Variants in DYTN observed in about 807,000 individuals in gnomAD.
DYTN encodes the protein dystrotelin.
DYTN carries 75 observed loss-of-function variants against 69.6 expected under a neutral mutation model. The observed-to-expected ratio is 1.08, with a 90% CI of 0.89 to 1.31. DYTN has a LOEUF of 1.31. DYTN is among the 50% of genes most tolerant of loss of function. DYTN has a pLI of 0.00. For synonymous variants in DYTN, 252 were observed against 249.1 expected, an observed-to-expected ratio of 1.01 and a Z score of -0.11; for missense variants, 726 against 688.4, an observed-to-expected ratio of 1.05 and a Z score of -0.61.
chr2:206,679,625 C>T (rs1559309886), intron 9 of DYTN, among the ~76,000 whole-genome samples: 1 of 152,138 alleles, frequency 6.6e-6, no homozygotes, highest in African/African-American at 2.4e-5. Flanking sequence ...TAAACATCAT[C>T]TCAAGTTATG....
At chr2:206,673,697 A>G (rs1699651902) in intron 9 of DYTN, among the ~76,000 whole-genome samples, 1 of 152,246 alleles carries the variant, frequency 6.6e-6, no homozygotes, top group African/African-American at 2.4e-5. Context: ...ACACTGTAGT[A>G]GTTTAAAGAT....
At chr2:206,703,709 C>T (rs750807395) in intron 5 of DYTN, among the ~76,000 whole-genome samples, 1 of 152,148 alleles carries the variant, frequency 6.6e-6, no homozygotes, top group Non-Finnish European at 1.5e-5. Context: ...CTCCTTATCC[C>T]GCCCTTGCTC....
intron 9 of DYTN, among the ~76,000 whole-genome samples, chr2:206,689,906 T>A (rs1480474157): frequency 6.6e-6 from 1 of 152,230 alleles, no homozygotes; most frequent in Non-Finnish European, 1.5e-5. Flanking sequence ...TCAACAAATA[T>A]TTATTGAGGA....
chr2:206,685,226 A>G (rs1323316830), intron 9 of DYTN, among the ~76,000 whole-genome samples: 1 of 151,976 alleles, frequency 6.6e-6, no homozygotes, highest in Admixed American at 6.6e-5. Flanking sequence ...CAGCAGCGCA[A>G]TCACTGCTCA....
At chr2:206,674,855 A>C (rs1252854397) in intron 9 of DYTN, among the ~76,000 whole-genome samples, 4 of 152,018 alleles carry the variant, frequency 2.6e-5, no homozygotes, top group African/African-American at 9.7e-5. Context: ...CACCTCCCCC[A>C]AAAAAGTTTT....
At chr2:206,697,098 C>T (rs1699926093) in intron 7 of DYTN, among the ~76,000 whole-genome samples, 1 of 152,154 alleles carries the variant, frequency 6.6e-6, no homozygotes, top group Non-Finnish European at 1.5e-5. Context: ...TTTGATGAGT[C>T]ATCCATGCTG....
chr2:206,666,944 C>T (rs1440864967), intron 9 of DYTN, among the ~76,000 whole-genome samples: 2 of 151,904 alleles, frequency 1.3e-5, no homozygotes, highest in African/African-American at 4.8e-5. Flanking sequence ...ACTTAGAAGG[C>T]TGAGTCAAGA....
rs77956673 is a variant in DYTN, at chr2:206,656,583, A to T, written c.1634-4662T>A. ...TCTTCTTCTAGTTTGCTGTCTTTTT[A>T]AAAAAATATTATTTCGTTTTTTTCT... is the stretch of plus-strand genomic sequence containing the variant. On this transcript the variant is annotated intron_variant, in intron 11 of 11. Coordinates refer to ENST00000452335, the MANE Select transcript of DYTN (RefSeq NM_001093730.1). Among the ~76,000 whole-genome samples, 873 of 152,054 alleles carry T rather than the reference A, an allele frequency of 5.7e-3. 4 individuals are homozygous for T. Among genetic ancestry groups the T allele is most frequent in the South Asian group, 1.0e-2 (48 of 4,822 alleles).
chr2:206,705,970 G>T, intron 3 of DYTN, 97 bp from the exon 4 acceptor site: 1 of 1,374,422 alleles, frequency 7.3e-7, no homozygotes. Flanking sequence ...GGGCATTTCT[G>T]ATATGGTGCT....
intron 7 of DYTN, among the ~76,000 whole-genome samples, chr2:206,698,161 T>G (rs1699940664): frequency 6.6e-6 from 1 of 152,160 alleles, no homozygotes; most frequent in Non-Finnish European, 1.5e-5. Flanking sequence ...TTTTCTTTGT[T>G]GTATGAGGAT....
chr2:206,683,339 C>CTTTTTTTTTTTTTT (rs10531348), intron 9 of DYTN, among the ~76,000 whole-genome samples: 8 of 111,934 alleles, frequency 7.1e-5, no homozygotes, highest in Non-Finnish European at 7.4e-5. Flanking sequence ...TTTACTTTTT[C>CTTTTTTTTTTTTTT]TTTTTTTTTT....
At chr2:206,676,280 G>T (rs1699685661) in intron 9 of DYTN, among the ~76,000 whole-genome samples, 1 of 152,166 alleles carries the variant, frequency 6.6e-6, no homozygotes, top group Non-Finnish European at 1.5e-5. Flanking sequence ...CCTTTGCAGG[G>T]ACATGGATGA....
At chr2:206,674,783 G>GA (rs1486653525) in intron 9 of DYTN, among the ~76,000 whole-genome samples, 12 of 151,652 alleles carry the variant, frequency 7.9e-5, no homozygotes, top group Admixed American at 2.0e-4. Context: ...CTTCCAATAA[G>GA]AAAAAAATGT....
rs1231315065 is a variant in DYTN at position 206,704,855 on chromosome 2, T to A, written c.471A>T (p.Thr157=). Residue 157 remains threonine (T), a synonymous_variant, in exon 5 of 12, where the codon ACA becomes ACT. Coordinates refer to ENST00000452335, the MANE Select transcript of DYTN (RefSeq NM_001093730.1). ...ATTAGGAATTTACCTGCTGTAGATC[T>A]GTTAGTAGTTTTCTCAAAACCCTTC... ...MTRRVLRKLL[T]DLQQIPTFVG... 1 of 1,613,456 alleles carries A rather than the reference T, an allele frequency of 6.2e-7. No homozygotes were observed. Among genetic ancestry groups the A allele is most frequent in the African/African-American group, 1.3e-5 (1 of 74,908 alleles).
intron 9 of DYTN, among the ~76,000 whole-genome samples, chr2:206,691,620 A>G (rs1699863847): frequency 6.6e-6 from 1 of 152,194 alleles, no homozygotes; most frequent in African/African-American, 2.4e-5. Flanking sequence ...TTCTATGTGC[A>G]ATATTAAAGA....
chr2:206,667,153 T>C (rs956652747), intron 9 of DYTN, among the ~76,000 whole-genome samples: 5 of 152,256 alleles, frequency 3.3e-5, no homozygotes, highest in Admixed American at 2.0e-4. Context: ...CCTCTTCATT[T>C]AGAGTAAACA....
At chr2:206,652,016 T>C in intron 11 of DYTN, 95 bp from the exon 12 acceptor site, 1 of 1,162,282 alleles carries the variant, frequency 8.6e-7, no homozygotes, top group Non-Finnish European at 1.2e-6. Flanking sequence ...AGAAACAGAA[T>C]CCATTTTTCT....
intron 11 of DYTN, among the ~76,000 whole-genome samples, chr2:206,657,488 T>C (rs1025190374): frequency 2.6e-5 from 4 of 152,226 alleles, no homozygotes; most frequent in African/African-American, 9.6e-5. Flanking sequence ...TTGTATTGTA[T>C]ATTCATTAAC....
In DYTN at chr2:206,663,306, C is replaced by A; in HGVS notation, c.1230G>T (p.Lys410Asn). 6.2e-7 allele frequency: 1 copy of A among 1,614,024 alleles called. No homozygotes were observed. The highest frequency in any genetic ancestry group is 8.5e-7 in the Non-Finnish European group (1 of 1,179,894). The stretch of plus-strand genomic sequence containing the variant: ...TCTTGATCTGCAAATAATCCCCTCC[C>A]TTTGGAACCTTTTCAGTTGAAGAAT... ...VDHSSTEKVPKGGDYLQIKNA... is the reference protein window; with the variant it reads ...VDHSSTEKVPNGGDYLQIKNA... Residue 410 changes from lysine (K) to asparagine (N), a missense_variant, in exon 11 of 12, where the codon AAG becomes AAT. Lys to Asn is a moderately conservative substitution (Grantham distance 94, BLOSUM62 0). Coordinates refer to ENST00000452335, the MANE Select transcript of DYTN (RefSeq NM_001093730.1).
Sources: allele counts gnomAD v4.1 joint callset (sites outside exome capture counted in the v4.1 genomes callset), GRCh38; gene constraint gnomAD v4.1.1; transcripts MANE v1.5; gene names NCBI Gene and HGNC (gene_info 2026-07-23, HGNC 2026-07-21).